PCDHGA2: variants seen among roughly 807,000 people sequenced by gnomAD.
PCDHGA2 encodes the protein protocadherin gamma-A2.
In PCDHGA2, 40 loss-of-function variants were observed where a neutral mutation model predicts 59.2. The ratio of observed to expected loss-of-function variants is 0.68; its 90% CI spans 0.52 to 0.88. The LOEUF is 0.88. Ranked by LOEUF, PCDHGA2 falls within the 40% of genes least tolerant of loss-of-function variation. The pLI, the probability that PCDHGA2 is intolerant of heterozygous loss-of-function variation, is 0.00. For synonymous variants in PCDHGA2, 560 were observed against 526.0 expected (o/e 1.06, Z -0.89); for missense variants, 1,226 against 1,204.0 (o/e 1.02, Z -0.27).
In PCDHGA2 at chr5:141,370,463, T is replaced by C. The variant is rs763997500; in HGVS notation, c.2424+29068T>C. On this transcript the variant is annotated intron_variant, in intron 1 of 3. Coordinates refer to ENST00000394576, the MANE Select transcript of PCDHGA2 (RefSeq NM_018915.4). ...GAATGCTATTTCTCTTCCTGCTCTCTTTGTTAGACCAGGCTCTCTCCGAAC... is the reference window on the plus strand; with the variant it reads ...GAATGCTATTTCTCTTCCTGCTCTCCTTGTTAGACCAGGCTCTCTCCGAAC... The C allele has an allele frequency of 1.9e-6, 3 of 1,612,968 alleles. No individual in the cohort carries two copies. The East Asian group carries it at 6.7e-5, about 36-fold the overall frequency.
intron 1 of PCDHGA2, chr5:141,395,078 G>A: frequency 1.2e-6 from 2 of 1,614,126 alleles, no homozygotes; most frequent in Non-Finnish European, 1.7e-6. Flanking sequence ...CCTATTCCCA[G>A]GAAGTCTCCC....
Position 141,491,699 on chromosome 5 carries a change from A to G in PCDHGA2, c.2425-3108A>G. The G allele has an allele frequency of 6.2e-7, 1 of 1,612,008 alleles. No individual in the cohort carries two copies. The highest frequency in any genetic ancestry group is 1.1e-5 in the South Asian group (1 of 90,926). ...TCTAATACGCTGCGGGAGCGGAGCC[A>G]GGTGAGGGGCTCGGCGCCGCCCCGG... On this transcript the variant is annotated intron_variant, in intron 1 of 3. Transcript: ENST00000394576. The surrounding 1 kb of genome is among the most constrained non-coding windows in gnomAD (Gnocchi z 6.9).
chr5:141,386,967 T>C (rs1397962065), intron 1 of PCDHGA2, among the ~76,000 whole-genome samples: 1 of 152,204 alleles, frequency 6.6e-6, no homozygotes, highest in Non-Finnish European at 1.5e-5. Flanking sequence ...CAGATCTCAG[T>C]GACTTTGTGT....
intron 1 of PCDHGA2, chr5:141,422,266 G>A (rs1393466157): frequency 6.4e-7 from 1 of 1,563,654 alleles, no homozygotes; most frequent in Non-Finnish European, 8.6e-7. Context: ...TAACGCTCCA[G>A]AAATAACTAT....
chr5:141,414,052 T>C, intron 1 of PCDHGA2: 1 of 1,610,346 alleles, frequency 6.2e-7, no homozygotes, highest in Non-Finnish European at 8.5e-7. Flanking sequence ...TGACACGCAA[T>C]TGTTGAAGTT....
In PCDHGA2 at chr5:141,489,198, C is replaced by G; in HGVS notation, c.2425-5609C>G. 1 of 1,392,402 alleles carries G rather than the reference C, an allele frequency of 7.2e-7. No individual in the cohort carries two copies. Among genetic ancestry groups the G allele is most frequent in the South Asian group, 1.4e-5 (1 of 71,348 alleles). The allele number at this position is 1,392,402 out of a possible 1,614,324, so 86.3% of individuals were successfully genotyped here. A position where few individuals can be genotyped will look rare whatever the true frequency, so the allele number is the denominator to read the frequency against. On this transcript the variant is annotated intron_variant, in intron 1 of 3. Coordinates refer to ENST00000394576, the MANE Select transcript of PCDHGA2 (RefSeq NM_018915.4). This position sits in a 1 kb window ranked among gnomAD's most constrained non-coding sequence, Gnocchi z 4.5. ...CCAAGCCCTGGGTCTACCTTGGAGA[C>G]AGGACAGCACAGACTTACTCTCCAC...
At chr5:141,356,483 GAACTCCTC>G in intron 1 of PCDHGA2, 1 of 1,613,938 alleles carries the variant, frequency 6.2e-7, no homozygotes, top group Non-Finnish European at 8.5e-7. Flanking sequence ...ACTGACCAGG[GAACTCCTC>G]CACTGTCTAC....
At chr5:141,410,693 A>C in intron 1 of PCDHGA2, 1 of 1,496,902 alleles carries the variant, frequency 6.7e-7, no homozygotes, top group Non-Finnish European at 8.9e-7. Flanking sequence ...ATACTACTTT[A>C]TTTTCATATC....
At chr5:141,346,666 C>T in intron 1 of PCDHGA2, 2 of 716,478 alleles carry the variant, frequency 2.8e-6, no homozygotes, top group Middle Eastern at 3.9e-4. Flanking sequence ...AAAAATAATA[C>T]ATCGTGAGTG....
At chr5:141,351,090 C>T in intron 1 of PCDHGA2, 1 of 1,614,036 alleles carries the variant, frequency 6.2e-7, no homozygotes, top group South Asian at 1.1e-5. Flanking sequence ...ATCACCTATG[C>T]CTTCCTCAAT....
chr5:141,387,810 A>G (rs2091099710), intron 1 of PCDHGA2: 1 of 1,525,916 alleles, frequency 6.6e-7, no homozygotes. Context: ...TCGGAGATCC[A>G]AAAATCTGCA....
At position 141,490,908 on chromosome 5, in the gene PCDHGA2, C is replaced by A; in HGVS notation, c.2425-3899C>A. On this transcript the variant is annotated intron_variant, in intron 1 of 3. Coordinates refer to ENST00000394576, the MANE Select transcript of PCDHGA2 (RefSeq NM_018915.4). The surrounding 1 kb of genome is among the most constrained non-coding windows in gnomAD (Gnocchi z 5.4). The stretch of plus-strand genomic sequence containing the variant: ...CATCTCTGCATGTGTTTGTCCTAGA[C>A]GAGAATGATAATGCCCCAGCTGTGC... The A allele has an allele frequency of 6.2e-7, 1 of 1,613,710 alleles. No homozygotes were observed. Among genetic ancestry groups the A allele is most frequent in the Non-Finnish European group, 8.5e-7 (1 of 1,179,754 alleles).
intron 1 of PCDHGA2, chr5:141,393,374 T>G (rs11575958): frequency 0.026 from 42,476 of 1,613,728 alleles, 744 homozygotes; most frequent in East Asian, 0.04. Flanking sequence ...CTGGAGACAA[T>G]GGAGCCATAA....
rs549647263 is a variant in PCDHGA2 at position 141,364,755 on chromosome 5, T to C, written c.2424+23360T>C. Reference sequence around the variant, plus strand: ...CGGGATGAAGAGTTAAAAGTAAAAGTTAATGAAAATGCGGCTGCAGGGACA... The same window carrying C: ...CGGGATGAAGAGTTAAAAGTAAAAGCTAATGAAAATGCGGCTGCAGGGACA... On this transcript the variant is annotated intron_variant, in intron 1 of 3. Coordinates refer to ENST00000394576, the MANE Select transcript of PCDHGA2 (RefSeq NM_018915.4). The C allele has an allele frequency of 1.7e-5, 27 of 1,613,958 alleles. No homozygotes were observed. The East Asian group carries it at 6.0e-4, about 36-fold the overall frequency.
At chr5:141,408,712 T>G in intron 1 of PCDHGA2, 1 of 1,612,332 alleles carries the variant, frequency 6.2e-7, no homozygotes, top group Non-Finnish European at 8.5e-7. Flanking sequence ...TTAAAGATTA[T>G]AAGATAAACT....
intron 1 of PCDHGA2, chr5:141,404,730 C>G: frequency 6.2e-7 from 1 of 1,613,984 alleles, no homozygotes; most frequent in East Asian, 2.2e-5. Context: ...AAGGTGGTGG[C>G]AGTGGACAGA....
rs141556649 is a variant in PCDHGA2 at position 141,492,225 on chromosome 5, C to T, written c.2425-2582C>T. ...GTGTGCGCGCGGGGCTCATGCGTGT[C>T]CTCCCTGCTGGCCACCCCCACGGCC... On this transcript the variant is annotated intron_variant, in intron 1 of 3. Transcript: ENST00000394576. Among the ~76,000 whole-genome samples the T allele has an allele frequency of 2.4e-3, 361 of 152,274 alleles. No individual in the cohort carries two copies. In the Middle Eastern group the frequency reaches 0.024, roughly 10 times the overall value.
At chr5:141,371,932 TG>T (rs1268806943) in intron 1 of PCDHGA2, 1 of 1,612,998 alleles carries the variant, frequency 6.2e-7, no homozygotes, top group South Asian at 1.1e-5. Context: ...CGGAGCGGGG[TG>T]GTGTTCGCGC....
At chr5:141,428,020 C>A (rs1443722620) in intron 1 of PCDHGA2, 1 of 1,605,408 alleles carries the variant, frequency 6.2e-7, no homozygotes, top group Admixed American at 1.7e-5. Context: ...GTGCCACGCG[C>A]CGCAGAGTCC....
Sources: allele counts gnomAD v4.1 joint callset (sites outside exome capture counted in the v4.1 genomes callset), GRCh38; gene constraint gnomAD v4.1.1; non-coding constraint Gnocchi (gnomAD v3.1); transcripts MANE v1.5; gene names NCBI Gene and HGNC (gene_info 2026-07-23, HGNC 2026-07-21).